The following NAV2 variants were observed in gnomAD, a reference collection of about 807,000 sequenced individuals.
NAV2 encodes the protein neuron navigator 2.
NAV2 carries 54 observed loss-of-function variants against 223.2 expected under a neutral mutation model. The ratio of observed to expected loss-of-function variants is 0.24; its 90% CI spans 0.19 to 0.30. NAV2 has a LOEUF of 0.30. Ranked by LOEUF, NAV2 falls within the 10% of genes least tolerant of loss-of-function variation. The pLI, the probability that NAV2 is intolerant of heterozygous loss-of-function variation, is 1.00. For missense variants in NAV2, 2,806 were observed against 3,147.5 expected, an observed-to-expected ratio of 0.89 and a Z score of 2.60; for synonymous variants, 1,279 against 1,239.3, an observed-to-expected ratio of 1.03 and a Z score of -0.67.
chr11:19,438,979 C>A (rs1258590869), intron 1 of NAV2, among the ~76,000 whole-genome samples: 1 of 152,062 alleles, frequency 6.6e-6, no homozygotes, highest in East Asian at 1.9e-4. Context: ...GCCAGCCCCT[C>A]CCTCCTCCCT....
chr11:19,533,266 G>A (rs2044083105), intron 1 of NAV2, among the ~76,000 whole-genome samples: 1 of 151,950 alleles, frequency 6.6e-6, no homozygotes, highest in African/African-American at 2.4e-5. Flanking sequence ...GACTGTCCTG[G>A]GTATTGTGGG....
At chr11:19,941,440 C>T (rs2046394693) in intron 8 of NAV2, among the ~76,000 whole-genome samples, 1 of 101,382 alleles carries the variant, frequency 9.9e-6, no homozygotes, top group African/African-American at 6.2e-5. Context: ...TTTATGGAGA[C>T]ACTGAATAAT....
chr11:19,852,212 T>C (rs2061184241), intron 3 of NAV2, among the ~76,000 whole-genome samples: 1 of 152,208 alleles, frequency 6.6e-6, no homozygotes, highest in African/African-American at 2.4e-5. Context: ...GCAGCAGCAA[T>C]AGGAAACTAA....
intron 11 of NAV2, among the ~76,000 whole-genome samples, chr11:20,015,316 G>A (rs1342087267): frequency 6.6e-6 from 1 of 152,108 alleles, no homozygotes; most frequent in Admixed American, 6.5e-5. Flanking sequence ...TGTGGCTGTT[G>A]TTCTTAGCCA....
chr11:20,057,417 A>G (rs1564950975), intron 19 of NAV2, among the ~76,000 whole-genome samples: 1 of 152,146 alleles, frequency 6.6e-6, no homozygotes, highest in Non-Finnish European at 1.5e-5. Flanking sequence ...CTGTAAATCC[A>G]TATATGGGAA....
intron 5 of NAV2, among the ~76,000 whole-genome samples, chr11:19,892,010 G>A (rs944435681): frequency 6.6e-6 from 1 of 152,134 alleles, no homozygotes; most frequent in African/African-American, 2.4e-5. Flanking sequence ...CCAGGCTGGA[G>A]TGCAATGGCG....
chr11:19,575,624 G>A (rs1383984937), intron 1 of NAV2, among the ~76,000 whole-genome samples: 4 of 152,194 alleles, frequency 2.6e-5, no homozygotes, highest in Admixed American at 2.6e-4. Flanking sequence ...CACCCCTGGG[G>A]AAATTCACCT....
At chr11:19,492,506 C>T (rs1168731354) in intron 1 of NAV2, among the ~76,000 whole-genome samples, 1 of 151,986 alleles carries the variant, frequency 6.6e-6, no homozygotes, top group Non-Finnish European at 1.5e-5. Flanking sequence ...TTCTAGCAGC[C>T]ATCTTGTACT....
intron 36 of NAV2, among the ~76,000 whole-genome samples, chr11:20,113,988 G>A (rs1160262200): frequency 6.6e-6 from 1 of 152,166 alleles, no homozygotes; most frequent in Non-Finnish European, 1.5e-5. Flanking sequence ...TCCAGCCTGA[G>A]CAACATTGCA....
intron 31 of NAV2, 66 bp downstream of exon 31, chr11:20,097,811 T>C: frequency 2.1e-6 from 3 of 1,421,588 alleles, no homozygotes; most frequent in East Asian, 2.4e-5. Flanking sequence ...TGACTTGGCA[T>C]AGGCACTTGT....
intron 1 of NAV2, among the ~76,000 whole-genome samples, chr11:19,631,283 C>A (rs1433115632): frequency 1.3e-5 from 2 of 151,500 alleles, no homozygotes; most frequent in African/African-American, 4.9e-5. Context: ...CAGTCCCCGG[C>A]GTGTGATGTT....
chr11:19,445,231 C>T (rs1284648041), intron 1 of NAV2, among the ~76,000 whole-genome samples: 1 of 152,000 alleles, frequency 6.6e-6, no homozygotes, highest in African/African-American at 2.4e-5. Flanking sequence ...GACAGGGCCC[C>T]CTTTGAATTT....
intron 1 of NAV2, among the ~76,000 whole-genome samples, chr11:19,676,159 C>T (rs1267949768): frequency 6.6e-6 from 1 of 152,218 alleles, no homozygotes; most frequent in Non-Finnish European, 1.5e-5. Flanking sequence ...CCTGTCCCTT[C>T]CTCCTCGATC....
chr11:19,574,862 C>G (rs1473369996), intron 1 of NAV2, among the ~76,000 whole-genome samples: 1 of 152,102 alleles, frequency 6.6e-6, no homozygotes, highest in African/African-American at 2.4e-5. Flanking sequence ...GAAGACATCA[C>G]AAAGGAAACA....
intron 9 of NAV2, among the ~76,000 whole-genome samples, chr11:19,948,101 G>C (rs190078020): frequency 6.6e-6 from 1 of 151,324 alleles, no homozygotes; most frequent in Admixed American, 6.6e-5. Flanking sequence ...TTTTTGCCGG[G>C]GGGGATGGAG....
At chr11:19,926,338 T>C (rs1200702991) in intron 6 of NAV2, among the ~76,000 whole-genome samples, 1 of 152,180 alleles carries the variant, frequency 6.6e-6, no homozygotes, top group Non-Finnish European at 1.5e-5. Context: ...TCTCCATTCT[T>C]TGTTTGTCCT....
At chr11:19,818,801 T>C (rs1403627057) in intron 1 of NAV2, among the ~76,000 whole-genome samples, 2 of 152,254 alleles carry the variant, frequency 1.3e-5, no homozygotes, top group Non-Finnish European at 2.9e-5. Flanking sequence ...GTGGGCCTTT[T>C]GCTATGACTG....
intron 1 of NAV2, among the ~76,000 whole-genome samples, chr11:19,439,929 C>T (rs1851340411): frequency 6.6e-6 from 1 of 152,186 alleles, no homozygotes; most frequent in South Asian, 2.1e-4. Context: ...TTGAGAGTAA[C>T]ATACAAATTG....
At chr11:19,453,659 C>T (rs567633848) in intron 1 of NAV2, among the ~76,000 whole-genome samples, 2 of 152,318 alleles carry the variant, frequency 1.3e-5, no homozygotes, top group South Asian at 2.1e-4. Flanking sequence ...GCAGTCTAAC[C>T]TGGCCTTGGA....
Sources: gnomAD v4.1 joint callset for allele counts (sites outside exome capture counted in the v4.1 genomes callset) on GRCh38, gnomAD v4.1.1 for gene constraint, MANE v1.5 for transcripts, NCBI Gene and HGNC (gene_info 2026-07-23, HGNC 2026-07-21) for gene names.